YIPF6: variants seen among roughly 807,000 people sequenced by gnomAD.
YIPF6 encodes the protein Yip1 domain family member 6, also known as protein YIPF6.
YIPF6 carries 3 observed loss-of-function variants against 16.8 expected under a neutral mutation model. That is an observed-to-expected ratio of 0.18 (90% CI 0.08 to 0.46). The LOEUF (loss-of-function observed/expected upper bound fraction) is 0.46, where lower values mean the gene tolerates loss of function less well. Among genes scored for constraint, YIPF6 ranks in the 20% least tolerant of loss-of-function variants. The probability of loss-of-function intolerance (pLI) is 0.98; values close to 1 mark genes in which losing one functional copy is unlikely to be tolerated. For missense variants in YIPF6, 145 were observed against 184.9 expected (o/e 0.78, Z 1.25); for synonymous variants, 67 against 61.9 (o/e 1.08, Z -0.38).
chrX:68,521,703 C>G (rs1352320888), intron 5 of YIPF6, among the ~76,000 whole-genome samples: 1 of 108,584 alleles, frequency 9.2e-6, no homozygotes, highest in East Asian at 2.9e-4. Context: ...TCCTCCTGCC[C>G]CAGCATCCCG....
At chrX:68,531,737 C>G (rs2079172268) in intron 6 of YIPF6, 144 bp from the exon 7 acceptor site, 1 of 408,327 alleles carries the variant, frequency 2.4e-6, no homozygotes, top group Non-Finnish European at 4.1e-6. Context: ...GCCTTTATCT[C>G]TGAGGATCAC....
chrX:68,530,781 C>T (rs1212564866), intron 6 of YIPF6, among the ~76,000 whole-genome samples: 3 of 111,232 alleles, frequency 2.7e-5, no homozygotes, highest in Non-Finnish European at 5.7e-5. Context: ...TCAGCTCACC[C>T]CCCGTGGGCT....
intron 1 of YIPF6, among the ~76,000 whole-genome samples, chrX:68,505,970 C>T (rs1202499315): frequency 9.0e-6 from 1 of 111,016 alleles, no homozygotes; most frequent in African/African-American, 3.3e-5. Flanking sequence ...CACTTATGGC[C>T]TTTTTTGTTC....
At position 68,522,797 on chromosome X, in the gene YIPF6, A is replaced by G; in HGVS notation, c.472A>G (p.Ile158Val). ...FQSLCVLGYCILPLTVAMLIC... is the reference protein window; with the variant it reads ...FQSLCVLGYCVLPLTVAMLIC... ...GAGCCTCTGTGTGCTGGGTTACTGT[A>G]TACTTCCCTTGACAGTAGCAATGCT... The change falls in exon 6 of 7, where the codon ATA becomes GTA. Residue 158 changes from isoleucine (I) to valine (V), a missense_variant. Ile to Val is a conservative substitution (Grantham distance 29). Transcript: ENST00000462683. 1 of 1,210,425 alleles carries G rather than the reference A, an allele frequency of 8.3e-7. No homozygotes were observed. The highest frequency in any genetic ancestry group is 1.1e-6 in the Non-Finnish European group (1 of 895,080).
chrX:68,511,206 T>C (rs1172254592), intron 1 of YIPF6, among the ~76,000 whole-genome samples: 1 of 112,542 alleles, frequency 8.9e-6, no homozygotes, highest in African/African-American at 3.2e-5. Context: ...AAATTGTGCC[T>C]ACTGGCCCAA....
intron 1 of YIPF6, among the ~76,000 whole-genome samples, chrX:68,510,520 GA>G (rs2079076258): frequency 9.1e-6 from 1 of 109,438 alleles, no homozygotes; most frequent in Admixed American, 9.8e-5. Context: ...TTATATTTAA[GA>G]AATATGAGTG....
intron 1 of YIPF6, among the ~76,000 whole-genome samples, chrX:68,509,170 C>T (rs2079070925): frequency 9.2e-6 from 1 of 108,230 alleles, no homozygotes; most frequent in Admixed American, 1.0e-4. Flanking sequence ...ATTGCAATGG[C>T]GTGATCATAT....
At chrX:68,525,182 A>G (rs951505605) in intron 6 of YIPF6, among the ~76,000 whole-genome samples, 1 of 112,188 alleles carries the variant, frequency 8.9e-6, no homozygotes, top group African/African-American at 3.2e-5. Flanking sequence ...TAGCCATTCT[A>G]ACTGGCGTGA....
intron 1 of YIPF6, among the ~76,000 whole-genome samples, chrX:68,501,359 A>G (rs189928078): frequency 8.9e-6 from 1 of 112,503 alleles, no homozygotes; most frequent in Admixed American, 9.5e-5. Flanking sequence ...TGAAATTGCA[A>G]GTGAGTATAA....
At chrX:68,509,095 T>A (rs1407373793) in intron 1 of YIPF6, among the ~76,000 whole-genome samples, 2 of 108,907 alleles carry the variant, frequency 1.8e-5, no homozygotes, top group African/African-American at 3.3e-5. Context: ...GTTGTCCCAG[T>A]GTTTTGTTTT....
chrX:68,527,152 C>G (rs1391392550), intron 6 of YIPF6, among the ~76,000 whole-genome samples: 1 of 111,612 alleles, frequency 9.0e-6, no homozygotes, highest in African/African-American at 3.3e-5. Context: ...AATTTCAGAA[C>G]TTATTATTGG....
At chrX:68,524,502 A>AAT (rs900171472) in intron 6 of YIPF6, among the ~76,000 whole-genome samples, 1,048 of 104,775 alleles carry the variant, frequency 0.01, 8 homozygotes, top group Middle Eastern at 0.014. Flanking sequence ...TTTGGCTAAA[A>AAT]ATATATATAT....
At chrX:68,525,123 A>G (rs960011519) in intron 6 of YIPF6, among the ~76,000 whole-genome samples, 8 of 111,796 alleles carry the variant, frequency 7.2e-5, no homozygotes, top group East Asian at 2.8e-4. Context: ...AAATATTTCT[A>G]TTTCTTCACA....
chrX:68,517,437 G>A (rs574789861), intron 3 of YIPF6, among the ~76,000 whole-genome samples: 2 of 112,309 alleles, frequency 1.8e-5, no homozygotes, highest in South Asian at 7.3e-4. Context: ...GTGAGCCACA[G>A]CATCCAGCCT....
Position 68,531,893 on chromosome X carries a change from T to C in YIPF6, c.605T>C (p.Phe202Ser). ...TTGTTTTGTTTAGCCTCCACAGCTTTCCTTGCTGATAGCCAGCCTCCAAAC... is the reference window on the plus strand; with the variant it reads ...TTGTTTTGTTTAGCCTCCACAGCTTCCCTTGCTGATAGCCAGCCTCCAAAC... The part of the protein sequence containing the change: ...FAWSIVASTA[F>S]LADSQPPNRR... The change falls in exon 7 of 7, where the codon TTC (phenylalanine) becomes TCC (serine). Residue 202 changes from phenylalanine (F) to serine (S), a missense_variant. Physicochemically the swap from Phe to Ser is radical, Grantham distance 155. Coordinates refer to ENST00000462683, the MANE Select transcript of YIPF6 (RefSeq NM_173834.4). 2 of 1,184,146 alleles carry C rather than the reference T, an allele frequency of 1.7e-6. No individual in the cohort carries two copies. The highest frequency in any genetic ancestry group is 3.7e-5 in the South Asian group (2 of 54,327).
In YIPF6 at chrX:68,522,899, T is replaced by C; in HGVS notation, c.574T>C (p.Phe192Leu). 8.3e-7 allele frequency: 1 copy of C among 1,211,136 alleles called. No homozygotes were observed. Among genetic ancestry groups the C allele is most frequent in the Non-Finnish European group, 1.1e-6 (1 of 895,448 alleles). Residue 192 changes from phenylalanine (F) to leucine (L), a missense_variant, in exon 6 of 7, where the codon TTT becomes CTT. Transcript: ENST00000462683. ...TCGGCTTTTTGTGGTGATTGTGATG[T>C]TTGCCTGGTCTATAGTTGGTAAGTA... ...MVRLFVVIVM[F>L]AWSIVASTAF... is the part of the protein sequence containing the mutation.
intron 2 of YIPF6, among the ~76,000 whole-genome samples, chrX:68,512,290 A>G (rs1260105865): frequency 1.8e-5 from 2 of 110,092 alleles, no homozygotes; most frequent in Admixed American, 9.8e-5. Context: ...TGAAACCCCC[A>G]TCTCTACTAA....
At chrX:68,525,327 A>C (rs938841599) in intron 6 of YIPF6, among the ~76,000 whole-genome samples, 3 of 111,598 alleles carry the variant, frequency 2.7e-5, no homozygotes, top group Non-Finnish European at 3.8e-5. Context: ...CCACTTTTTG[A>C]TGGGGTTGTC....
At chrX:68,518,287 A>AC (rs2079112259) in intron 3 of YIPF6, among the ~76,000 whole-genome samples, 1 of 110,409 alleles carries the variant, frequency 9.1e-6, no homozygotes, top group East Asian at 2.8e-4. Flanking sequence ...AAAAAAAAAA[A>AC]AATCAATAGC....
Sources: gnomAD v4.1 joint callset for allele counts (sites outside exome capture counted in the v4.1 genomes callset) on GRCh38, gnomAD v4.1.1 for gene constraint, MANE v1.5 for transcripts, NCBI Gene and HGNC (gene_info 2026-07-23, HGNC 2026-07-21) for gene names.